The following RPS6KA5 variants were observed in gnomAD, a reference collection of about 807,000 sequenced individuals.
RPS6KA5 encodes the protein ribosomal protein S6 kinase A5, also known as ribosomal protein S6 kinase alpha-5.
Under a neutral mutation model 85.5 loss-of-function variants are expected in RPS6KA5, and 27 were observed. That is an observed-to-expected ratio of 0.32 (90% CI 0.23 to 0.44). The LOEUF (loss-of-function observed/expected upper bound fraction) is 0.44. RPS6KA5 is among the 20% of genes least tolerant of loss of function. The pLI, the probability that RPS6KA5 is intolerant of heterozygous loss-of-function variation, is 1.00. For synonymous variants in RPS6KA5, 334 were observed against 348.2 expected (o/e 0.96, Z 0.46); for missense variants, 811 against 980.9 (o/e 0.83, Z 2.31).
intron 1 of RPS6KA5, among the ~76,000 whole-genome samples, chr14:91,030,899 A>G (rs2042164250): frequency 6.6e-6 from 1 of 152,054 alleles, no homozygotes; most frequent in African/African-American, 2.4e-5. Flanking sequence ...CAGGAGATTA[A>G]AAAAATTTAA....
chr14:91,023,735 T>C (rs1190599285), intron 1 of RPS6KA5, among the ~76,000 whole-genome samples: 2 of 148,800 alleles, frequency 1.3e-5, no homozygotes, highest in Admixed American at 6.8e-5. Flanking sequence ...TTTTAAGAAG[T>C]TGGATGCCAA....
At chr14:90,894,094 ATAT>A (rs1396175881) in intron 13 of RPS6KA5, 1 of 983,982 alleles carries the variant, frequency 1.0e-6, no homozygotes, top group East Asian at 9.1e-5. Flanking sequence ...TATGTAAGAG[ATAT>A]TATTTTCTGC....
At chr14:90,898,571 ATCTC>A (rs1223016134) in intron 12 of RPS6KA5, among the ~76,000 whole-genome samples, 3 of 152,214 alleles carry the variant, frequency 2.0e-5, no homozygotes, top group African/African-American at 2.4e-5. Flanking sequence ...AACATTCAAA[ATCTC>A]AGTTTCTTTA....
At chr14:90,922,006 C>T (rs1393825203) in intron 6 of RPS6KA5, among the ~76,000 whole-genome samples, 1 of 152,048 alleles carries the variant, frequency 6.6e-6, no homozygotes, top group Non-Finnish European at 1.5e-5. Flanking sequence ...TCATTTTGCA[C>T]ATACAAAGGC....
chr14:90,855,104 C>T lies in RPS6KA5; in HGVS notation c.*16970G>A, dbSNP rs1186379652. On this transcript the variant is annotated 3_prime_UTR_variant, in exon 17 of 17. Coordinates refer to ENST00000614987, the MANE Select transcript of RPS6KA5 (RefSeq NM_004755.4). ...GAATAAAAAGATGTATAAGTTCACT[C>T]ATATTGATAAAACTTTTGCATTCAA... 4 of 152,128 alleles carry T rather than the reference C, an allele frequency of 2.6e-5. No individual in the cohort carries two copies. The highest frequency in any genetic ancestry group is 4.8e-5 in the African/African-American group (2 of 41,428). The allele number at this position is 152,128 out of a possible 1,614,324, so 9.4% of individuals were successfully genotyped here.
chr14:90,884,290 G>A (rs2034049145), intron 14 of RPS6KA5, among the ~76,000 whole-genome samples: 1 of 152,152 alleles, frequency 6.6e-6, no homozygotes, highest in Non-Finnish European at 1.5e-5. Flanking sequence ...TGTAAGTTGA[G>A]CATCCCTAAC....
At chr14:90,896,588 A>G (rs1306403058) in intron 12 of RPS6KA5, among the ~76,000 whole-genome samples, 2 of 152,198 alleles carry the variant, frequency 1.3e-5, no homozygotes, top group Non-Finnish European at 2.9e-5. Context: ...CCTGGAGGCA[A>G]GATCTTAGAG....
intron 1 of RPS6KA5, among the ~76,000 whole-genome samples, chr14:91,044,091 G>T (rs1211734864): frequency 6.6e-6 from 1 of 151,958 alleles, no homozygotes; most frequent in Non-Finnish European, 1.5e-5. Flanking sequence ...GCTGGGCATG[G>T]TGGTGGGCAC....
intron 1 of RPS6KA5, among the ~76,000 whole-genome samples, chr14:91,050,943 T>C (rs1010953404): frequency 6.6e-6 from 1 of 152,070 alleles, no homozygotes; most frequent in African/African-American, 2.4e-5. Context: ...AAGTAAATCA[T>C]AGGGTCAGGT....
chr14:90,880,497 G>A (rs1238529598), intron 14 of RPS6KA5, among the ~76,000 whole-genome samples: 7 of 152,114 alleles, frequency 4.6e-5, no homozygotes, highest in Non-Finnish European at 8.8e-5. Context: ...TATGTATACA[G>A]CACATTTTGC....
In RPS6KA5 at chr14:90,879,782, T is replaced by G. The variant is rs1035810275; in HGVS notation, c.1837-4422A>C. Among the ~76,000 whole-genome samples the G allele has an allele frequency of 0.02, 344 of 17,438 alleles. 4 individuals carry two copies. In the African/African-American group the frequency reaches 0.25, roughly 13 times the overall value. 11.4% of individuals were successfully genotyped at this position (17,438 alleles called of 152,430 possible). A position where few individuals can be genotyped will look rare whatever the true frequency, so the allele number is the denominator to read the frequency against. ...AGAATATCTTTCTCTCCACTCCTAA[T>G]TTTTTTTTTTTTTTTTTTGAGTTGG... On this transcript the variant is annotated intron_variant, in intron 14 of 16. Transcript: ENST00000614987.
At chr14:90,878,542 G>A (rs1468262438) in intron 14 of RPS6KA5, among the ~76,000 whole-genome samples, 9 of 152,180 alleles carry the variant, frequency 5.9e-5, no homozygotes, top group African/African-American at 2.2e-4. Context: ...AATATCTATA[G>A]TGAAGGAAAG....
intron 7 of RPS6KA5, among the ~76,000 whole-genome samples, chr14:90,916,578 T>C (rs777609650): frequency 6.6e-6 from 1 of 152,114 alleles, no homozygotes; most frequent in South Asian, 2.1e-4. Context: ...ATCTAAATGA[T>C]ACATACAAGA....
At chr14:91,033,785 G>A (rs1045292633) in intron 1 of RPS6KA5, among the ~76,000 whole-genome samples, 2 of 152,014 alleles carry the variant, frequency 1.3e-5, no homozygotes, top group Non-Finnish European at 2.9e-5. Context: ...ATGTATCTGA[G>A]AGAAACTCTT....
At position 90,975,818 on chromosome 14, in the gene RPS6KA5, A is replaced by C. The variant is rs2039539101; in HGVS notation, c.394+2488T>G. Among the ~76,000 whole-genome samples the C allele has an allele frequency of 3.3e-5, 5 of 152,236 alleles. No individual in the cohort carries two copies. The South Asian group carries it at 1.0e-3, about 31-fold the overall frequency. On this transcript the variant is annotated intron_variant, in intron 3 of 16. Coordinates refer to ENST00000614987, the MANE Select transcript of RPS6KA5 (RefSeq NM_004755.4). ...ATTCCTGAAAAGTTTTCATCTTTAA[A>C]AGTCAACTGCTGAAACAGGCACAAA... is the stretch of plus-strand genomic sequence containing the variant.
chr14:90,878,746 G>A (rs763649369), intron 14 of RPS6KA5, among the ~76,000 whole-genome samples: 24 of 152,334 alleles, frequency 1.6e-4, no homozygotes, highest in Non-Finnish European at 2.6e-4. Context: ...ACTAAGAAGC[G>A]GGAATAGAAC....
rs1230263623 is a variant in RPS6KA5 at position 90,899,309 on chromosome 14, A to G, written c.1473+20T>C. 3.9e-6 allele frequency: 6 copies of G among 1,544,146 alleles called. No individual in the cohort carries two copies. Among genetic ancestry groups the G allele is most frequent in the Non-Finnish European group, 5.3e-6 (6 of 1,134,422 alleles). The stretch of plus-strand genomic sequence containing the variant: ...GTGAATTAGTACACATGGGAAAAAA[A>G]AAAAAAAAAAGTAGGATACCTGATC... On this transcript the variant is annotated intron_variant, in intron 12 of 16. Transcript: ENST00000614987.
At position 90,917,733 on chromosome 14, in the gene RPS6KA5, C is replaced by CTTTT. The variant is rs71117388; in HGVS notation, c.806+2469_806+2472dup. Among the ~76,000 whole-genome samples, 678 of 151,220 alleles carry CTTTT rather than the reference C, an allele frequency of 4.5e-3. 5 individuals carry two copies. Among genetic ancestry groups the CTTTT allele is most frequent in the South Asian group, 0.02 (98 of 4,790 alleles). On this transcript the variant is annotated intron_variant, in intron 7 of 16. Coordinates refer to ENST00000614987, the MANE Select transcript of RPS6KA5 (RefSeq NM_004755.4). ...TTGCAAGAGTATAAACAAATCATTC[C>CTTTT]TTTTTTTTAAAAGAGATAGGGTCTT...
chr14:90,904,440 G>A (rs547669698), intron 8 of RPS6KA5, among the ~76,000 whole-genome samples: 9 of 152,212 alleles, frequency 5.9e-5, no homozygotes, highest in East Asian at 1.9e-4. Context: ...AACTGAGGCC[G>A]AGAAATAAGA....
Sources: gnomAD v4.1 joint callset for allele counts (sites outside exome capture counted in the v4.1 genomes callset) on GRCh38, gnomAD v4.1.1 for gene constraint, MANE v1.5 for transcripts, NCBI Gene and HGNC (gene_info 2026-07-23, HGNC 2026-07-21) for gene names.